Variants in KDM4B observed in about 807,000 individuals in gnomAD.
KDM4B encodes lysine-specific demethylase 4B.
KDM4B carries 32 observed loss-of-function variants against 125.2 expected under a neutral mutation model. The ratio of observed to expected loss-of-function variants is 0.26; its 90% confidence interval spans 0.19 to 0.34. The LOEUF is 0.34. Ranked by LOEUF, KDM4B falls within the 10% of genes least tolerant of loss-of-function variation. KDM4B has a pLI of 1.00. For synonymous variants in KDM4B, 721 were observed against 677.9 expected, an observed-to-expected ratio of 1.06 and a Z score of -0.99; for missense variants, 1,190 against 1,577.7, an observed-to-expected ratio of 0.75 and a Z score of 4.16.
chr19:5,119,202 C>G, intron 10 of KDM4B: 1 of 1,533,876 alleles, frequency 6.5e-7, no homozygotes, highest in Non-Finnish European at 8.7e-7. Flanking sequence ...AAGAGCAGAC[C>G]AAAAGGCCGG....
chr19:5,096,783 TG>T (rs1432521372), intron 9 of KDM4B, among the ~76,000 whole-genome samples: 1 of 143,268 alleles, frequency 7.0e-6, no homozygotes, highest in Non-Finnish European at 1.5e-5. Flanking sequence ...CCGTGGCGCC[TG>T]CCTGGTGGAG....
At chr19:5,133,418 G>A (rs966869228) in intron 13 of KDM4B, among the ~76,000 whole-genome samples, 3 of 152,172 alleles carry the variant, frequency 2.0e-5, no homozygotes, top group Non-Finnish European at 4.4e-5. Context: ...AGACAGGAAG[G>A]ACAGTGTCTC....
At position 4,997,457 on chromosome 19, in the gene KDM4B, C is replaced by T. The variant is rs2035238265; in HGVS notation, c.-108-18800C>T. Among the ~76,000 whole-genome samples the T allele has an allele frequency of 6.6e-6, 1 of 151,980 alleles. No individual in the cohort carries two copies. Among genetic ancestry groups the T allele is most frequent in the African/African-American group, 2.4e-5 (1 of 41,370 alleles). ...CGAGGTGGGCTGGGCTTTGTGTTTCCAACATGTCCACCCCAGCCGGCTGGG... is the reference window on the plus strand; with the variant it reads ...CGAGGTGGGCTGGGCTTTGTGTTTCTAACATGTCCACCCCAGCCGGCTGGG... On this transcript the variant is annotated intron_variant, in intron 1 of 22. Coordinates refer to ENST00000159111, the MANE Select transcript of KDM4B (RefSeq NM_015015.3). The surrounding 1 kb of genome is among the most constrained non-coding windows in gnomAD (Gnocchi z 4.2).
intron 9 of KDM4B, among the ~76,000 whole-genome samples, chr19:5,083,421 G>C (rs1316099977): frequency 1.3e-5 from 2 of 152,202 alleles, no homozygotes; most frequent in Non-Finnish European, 2.9e-5. Flanking sequence ...GGGAGTGTGG[G>C]ACCCGGGAAG....
intron 1 of KDM4B, among the ~76,000 whole-genome samples, chr19:4,988,112 G>C (rs1415038674): frequency 1.3e-5 from 2 of 152,184 alleles, no homozygotes; most frequent in African/African-American, 4.8e-5. Context: ...GCAGGAGCTG[G>C]GGCCCTCCGT....
At chr19:5,094,337 C>T (rs923620978) in intron 9 of KDM4B, among the ~76,000 whole-genome samples, 1 of 152,224 alleles carries the variant, frequency 6.6e-6, no homozygotes, top group Non-Finnish European at 1.5e-5. Context: ...ACGAAAATTG[C>T]GAGGTCCCTG....
chr19:5,070,392 G>A (rs2037909578), intron 6 of KDM4B, among the ~76,000 whole-genome samples: 2 of 152,240 alleles, frequency 1.3e-5, no homozygotes, highest in African/African-American at 4.8e-5. Flanking sequence ...CGCTTCGTGT[G>A]TTTGCACACT....
At chr19:5,023,649 G>A (rs528809168) in intron 2 of KDM4B, among the ~76,000 whole-genome samples, 1 of 152,324 alleles carries the variant, frequency 6.6e-6, no homozygotes, top group South Asian at 2.1e-4. Context: ...ACAGGGACCA[G>A]TGGGAGCAGG....
chr19:5,091,121 C>T (rs1026047015), intron 9 of KDM4B, among the ~76,000 whole-genome samples: 1 of 152,364 alleles, frequency 6.6e-6, no homozygotes, highest in South Asian at 2.1e-4. Flanking sequence ...TCCTACAAGC[C>T]TGCACGCCAT....
At chr19:4,989,340 T>C (rs1344437310) in intron 1 of KDM4B, among the ~76,000 whole-genome samples, 1 of 152,048 alleles carries the variant, frequency 6.6e-6, no homozygotes, top group East Asian at 1.9e-4. Flanking sequence ...TTTTTTTTTG[T>C]TTGTTTGTTT....
rs561802612 is a variant in KDM4B, at chr19:5,121,572, C to T, written c.1315+1720C>T. Among the ~76,000 whole-genome samples, 4 of 152,206 alleles carry T rather than the reference C, an allele frequency of 2.6e-5. No individual in the cohort carries two copies. The South Asian group carries it at 8.3e-4, about 32-fold the overall frequency. ...GAGCCGCTCGCAGCAAACATGGCTC[C>T]CAAAGATGCCCCTTATGGTGCTAGC... On this transcript the variant is annotated intron_variant, in intron 11 of 22. Transcript: ENST00000159111.
intron 21 of KDM4B, among the ~76,000 whole-genome samples, chr19:5,145,675 C>T (rs1227120562): frequency 6.6e-6 from 1 of 152,170 alleles, no homozygotes; most frequent in Non-Finnish European, 1.5e-5. Flanking sequence ...AAGCGTCGCT[C>T]CCAAGCCTGG....
At chr19:5,054,746 G>A (rs570246480) in intron 6 of KDM4B, among the ~76,000 whole-genome samples, 11 of 152,158 alleles carry the variant, frequency 7.2e-5, no homozygotes, top group Non-Finnish European at 1.5e-4. Flanking sequence ...GCCGTGCTTG[G>A]GTAAGTGGTC....
intron 18 of KDM4B, 112 bp from the exon 19 acceptor site, chr19:5,143,855 C>T: frequency 2.3e-6 from 2 of 853,202 alleles, no homozygotes; most frequent in Non-Finnish European, 3.7e-6. Flanking sequence ...GAGCGCAGGG[C>T]CACTCCCGCG....
rs561607789 is a variant in KDM4B at position 5,048,091 on chromosome 19, G to A, written c.626+422G>A. Reference sequence around the variant, plus strand: ...AGGATGACCCTGCAGCCGCTCCCTCGCAGTCTCCGCCCTGGCACGTCTGGG... The same window carrying A: ...AGGATGACCCTGCAGCCGCTCCCTCACAGTCTCCGCCCTGGCACGTCTGGG... On this transcript the variant is annotated intron_variant, in intron 6 of 22. Transcript: ENST00000159111. Among the ~76,000 whole-genome samples the A allele has an allele frequency of 3.2e-4, 49 of 152,298 alleles. No homozygotes were observed. The East Asian group carries it at 9.1e-3, about 28-fold the overall frequency.
rs543849634 is a variant in KDM4B, at chr19:5,141,152, G to A, written c.2551-2815G>A. The A allele has an allele frequency of 1.3e-5, 2 of 152,424 alleles. No homozygotes were observed. Among genetic ancestry groups the A allele is most frequent in the Non-Finnish European group, 2.9e-5 (2 of 68,070 alleles). 9.4% of individuals were successfully genotyped at this position (152,424 alleles called of 1,614,324 possible). A position where few individuals can be genotyped will look rare whatever the true frequency, so the allele number is the denominator to read the frequency against. ...TGGATGCCATGCTTGGAGCCCACAG[G>A]TGCTGGGCCACCTGGGCAGGGCTGT... is the stretch of plus-strand genomic sequence containing the variant. On this transcript the variant is annotated intron_variant, in intron 18 of 22. Transcript: ENST00000159111. This position sits in a 1 kb window ranked among gnomAD's most constrained non-coding sequence, Gnocchi z 6.4.
rs921800786 is a variant in KDM4B at position 4,972,002 on chromosome 19, G to A, written c.-109+2772G>A. On this transcript the variant is annotated intron_variant, in intron 1 of 22. Transcript: ENST00000159111. Reference sequence around the variant, plus strand: ...TGGTCACCGCCATGACAGATCGGCCGTCCTCATCCACAGCCTCACCCTAGG... The same window carrying A: ...TGGTCACCGCCATGACAGATCGGCCATCCTCATCCACAGCCTCACCCTAGG... Among the ~76,000 whole-genome samples, 6 of 152,170 alleles carry A rather than the reference G, an allele frequency of 3.9e-5. No individual in the cohort carries two copies. In the South Asian group the frequency reaches 1.0e-3, roughly 26 times the overall value.
rs1174102648 is a variant in KDM4B at position 5,144,257 on chromosome 19, C to T, written c.2746C>T (p.Leu916=). Residue 916 remains leucine (L), a synonymous_variant, in exon 20 of 23, where the codon CTG becomes TTG. Transcript: ENST00000159111. ...CTCCGCACCCTCCCAGGTCCAACTC[C>T]TGAGGGCCGTGTCCCTAGGCCAGGT... The part of the protein sequence containing the change: ...HKSGGHAVQL[L]RAVSLGQVVI... 6.3e-7 allele frequency: 1 copy of T among 1,598,512 alleles called. No individual in the cohort carries two copies. The highest frequency in any genetic ancestry group is 8.5e-7 in the Non-Finnish European group (1 of 1,173,370).
intron 14 of KDM4B, among the ~76,000 whole-genome samples, chr19:5,134,374 G>C (rs2039611929): frequency 6.6e-6 from 1 of 152,194 alleles, no homozygotes; most frequent in Non-Finnish European, 1.5e-5. Context: ...GGGCCGGGTG[G>C]TGTGGGAGTG....
Sources: allele counts gnomAD v4.1 joint callset (sites outside exome capture counted in the v4.1 genomes callset), GRCh38; gene constraint gnomAD v4.1.1; non-coding constraint Gnocchi (gnomAD v3.1); transcripts MANE v1.5; gene names NCBI Gene and HGNC (gene_info 2026-07-23, HGNC 2026-07-21).